The following SLC24A2 variants were observed in gnomAD, a reference collection of about 807,000 sequenced individuals.
SLC24A2 encodes the protein sodium/potassium/calcium exchanger 2.
A neutral mutation model predicts 62.0 loss-of-function variants in SLC24A2; 36 were observed. That is an observed-to-expected ratio of 0.58 (90% CI 0.44 to 0.77). SLC24A2 has a LOEUF of 0.77. Ranked by LOEUF, SLC24A2 falls within the 30% of genes least tolerant of loss-of-function variation. The probability of loss-of-function intolerance (pLI) is 0.00; values close to 1 mark genes in which losing one functional copy is unlikely to be tolerated. For missense variants in SLC24A2, 846 were observed against 817.9 expected (o/e 1.03, Z -0.42); for synonymous variants, 358 against 294.0 (o/e 1.22, Z -2.23).
chr9:19,535,461 T>G (rs1027434322), intron 8 of SLC24A2, among the ~76,000 whole-genome samples: 1 of 152,234 alleles, frequency 6.6e-6, no homozygotes, highest in African/African-American at 2.4e-5. Flanking sequence ...GCCTAGGTTT[T>G]CTTCTAGGAT....
At chr9:19,792,562 G>T (rs1366275710), upstream of SLC24A2, among the ~76,000 whole-genome samples, 1 of 135,650 alleles carries the variant, frequency 7.4e-6, no homozygotes, top group Non-Finnish European at 1.6e-5. Flanking sequence ...AAAAAAAAAT[G>T]CTGGGTGTGG....
In SLC24A2 at chr9:19,507,864, G is replaced by C. The variant is rs1285383064; in HGVS notation, c.*8289C>G. On this transcript the variant is annotated 3_prime_UTR_variant, in exon 11 of 11. Transcript: ENST00000341998. ...ACGGAGGCGAACAAAGGAAGCATGA[G>C]ACCACGTCTATCCTAAAAAAGATCC... The C allele has an allele frequency of 6.6e-6, 1 of 152,188 alleles. No individual in the cohort carries two copies. The highest frequency in any genetic ancestry group is 1.5e-5 in the Non-Finnish European group (1 of 68,032). The allele number at this position is 152,188 out of a possible 1,614,324, so 9.4% of individuals were successfully genotyped here.
the SLC24A2 span, among the ~76,000 whole-genome samples, chr9:20,274,286 G>A: frequency 6.6e-6 from 1 of 152,174 alleles, no homozygotes; most frequent in African/African-American, 2.4e-5. Flanking sequence ...CTTCTACATA[G>A]AGTGATTGTG....
At chr9:19,920,742 T>C in the SLC24A2 span, among the ~76,000 whole-genome samples, 2 of 152,184 alleles carry the variant, frequency 1.3e-5, no homozygotes, top group African/African-American at 4.8e-5. Context: ...TAGAGAGTCC[T>C]GGGCAGTAAG....
chr9:20,023,608 C>T, the SLC24A2 span, among the ~76,000 whole-genome samples: 4 of 152,302 alleles, frequency 2.6e-5, no homozygotes, highest in Non-Finnish European at 5.9e-5. Context: ...AGTACCTTTT[C>T]TCAGATCTTG....
At chr9:20,112,274 G>A in the SLC24A2 span, among the ~76,000 whole-genome samples, 8 of 152,230 alleles carry the variant, frequency 5.3e-5, no homozygotes, top group South Asian at 2.1e-4. Flanking sequence ...GATAATTTTC[G>A]ACACTTGTCT....
At chr9:19,738,173 T>TA (rs1208738419) in intron 2 of SLC24A2, among the ~76,000 whole-genome samples, 2 of 152,200 alleles carry the variant, frequency 1.3e-5, no homozygotes, top group Non-Finnish European at 2.9e-5. Flanking sequence ...TTTGTCAAGT[T>TA]AATTTGTCTT....
the SLC24A2 span, among the ~76,000 whole-genome samples, chr9:19,883,895 A>G: frequency 8.5e-5 from 13 of 152,210 alleles, no homozygotes; most frequent in Admixed American, 8.5e-4. Flanking sequence ...TGTACCATAT[A>G]TAGACAGAAA....
Position 19,573,458 on chromosome 9 carries a change from G to C in SLC24A2, c.1240C>G (p.Leu414Val), listed in dbSNP as rs770602528. The change falls in exon 7 of 11, where the codon CTT becomes GTT. Residue 414 changes from leucine to valine, a missense_variant. Physicochemically the swap from Leu to Val is conservative, Grantham distance 32. Coordinates refer to ENST00000341998, the MANE Select transcript of SLC24A2 (RefSeq NM_020344.4). ...ACATCTGTGCTGGTGCTGTTTGGAA[G>C]CTCAATTTTTTCTGTGATATAATTT... is the stretch of plus-strand genomic sequence containing the variant. The part of the protein sequence containing the change: ...GAANHVEKIE[L>V]PNSTSTDVEM... 7.6e-6 allele frequency: 12 copies of C among 1,587,228 alleles called. No individual in the cohort carries two copies. The African/African-American group carries it at 1.4e-4, about 18-fold the overall frequency.
chr9:19,946,856 A>T, the SLC24A2 span, among the ~76,000 whole-genome samples: 1 of 152,328 alleles, frequency 6.6e-6, no homozygotes, highest in South Asian at 2.1e-4. Context: ...AATTCTCAGA[A>T]AGAGCTGTTT....
the SLC24A2 span, among the ~76,000 whole-genome samples, chr9:20,271,636 G>A: frequency 1.3e-5 from 2 of 152,068 alleles, no homozygotes; most frequent in East Asian, 1.9e-4. Flanking sequence ...AGCATCTTAG[G>A]AAAGAAAAGC....
At chr9:20,300,655 G>C in the SLC24A2 span, among the ~76,000 whole-genome samples, 1 of 152,112 alleles carries the variant, frequency 6.6e-6, no homozygotes, top group African/African-American at 2.4e-5. Context: ...TTCAAAACAA[G>C]CTCCTGTTAC....
At chr9:19,776,187 GAA>G (rs1160919962) in intron 2 of SLC24A2, among the ~76,000 whole-genome samples, 1 of 152,206 alleles carries the variant, frequency 6.6e-6, no homozygotes, top group African/African-American at 2.4e-5. Context: ...CTCACAATGT[GAA>G]AAGTGAATCT....
chr9:19,557,170 T>A (rs900414034), intron 7 of SLC24A2, among the ~76,000 whole-genome samples: 1 of 152,180 alleles, frequency 6.6e-6, no homozygotes, highest in Non-Finnish European at 1.5e-5. Flanking sequence ...CTCCCCACTT[T>A]CCTCAGTTCT....
At chr9:20,291,078 T>C in the SLC24A2 span, among the ~76,000 whole-genome samples, 1 of 152,064 alleles carries the variant, frequency 6.6e-6, no homozygotes. Context: ...CAACCACACA[T>C]ATCAACAATG....
intron 2 of SLC24A2, among the ~76,000 whole-genome samples, chr9:19,768,082 AAATT>A (rs1358525403): frequency 2.0e-5 from 3 of 152,176 alleles, no homozygotes; most frequent in Admixed American, 2.0e-4. Context: ...ATCCATGGGT[AAATT>A]AATTGATTAA....
intron 7 of SLC24A2, among the ~76,000 whole-genome samples, chr9:19,564,228 C>G (rs1185899681): frequency 6.6e-6 from 1 of 152,000 alleles, no homozygotes; most frequent in East Asian, 1.9e-4. Context: ...GAGCATTTCT[C>G]TTTTTAAAAA....
the SLC24A2 span, among the ~76,000 whole-genome samples, chr9:19,820,532 TA>T: frequency 3.3e-5 from 5 of 151,324 alleles, 1 homozygote; most frequent in South Asian, 8.3e-4. Context: ...TAAAAAGTTT[TA>T]AAAAATAAAA....
chr9:19,901,677 CA>C, the SLC24A2 span, among the ~76,000 whole-genome samples: 1 of 152,108 alleles, frequency 6.6e-6, no homozygotes, highest in African/African-American at 2.4e-5. Context: ...GTAGTATCTA[CA>C]ATTAGGCCCT....
Sources: gnomAD v4.1 joint callset for allele counts (sites outside exome capture counted in the v4.1 genomes callset) on GRCh38, gnomAD v4.1.1 for gene constraint, MANE v1.5 for transcripts, NCBI Gene and HGNC (gene_info 2026-07-23, HGNC 2026-07-21) for gene names.